The following PTPRA variants were observed in gnomAD, a reference collection of about 807,000 sequenced individuals.
PTPRA encodes the protein receptor-type tyrosine-protein phosphatase alpha.
A neutral mutation model predicts 104.8 loss-of-function variants in PTPRA; 25 were observed. The ratio of observed to expected loss-of-function variants is 0.24; its 90% CI spans 0.17 to 0.33. PTPRA has a LOEUF of 0.33. Ranked by LOEUF, PTPRA falls within the 10% of genes least tolerant of loss-of-function variation. The pLI, the probability that PTPRA is intolerant of heterozygous loss-of-function variation, is 1.00. For missense variants in PTPRA, 765 were observed against 1,015.3 expected (o/e 0.75, Z 3.35); for synonymous variants, 323 against 368.9 (o/e 0.88, Z 1.43).
chr20:2,874,819 A>C (rs577475643), intron 1 of PTPRA, among the ~76,000 whole-genome samples: 2 of 152,234 alleles, frequency 1.3e-5, no homozygotes, highest in African/African-American at 4.8e-5. Flanking sequence ...ATCTTGCCTC[A>C]ATTTACTCCT....
intron 9 of PTPRA, among the ~76,000 whole-genome samples, chr20:2,992,453 G>T (rs1376450675): frequency 6.6e-6 from 1 of 152,102 alleles, no homozygotes; most frequent in Non-Finnish European, 1.5e-5. Flanking sequence ...GGAGGCAGAG[G>T]TTGCATTGAG....
intron 20 of PTPRA, among the ~76,000 whole-genome samples, chr20:3,033,041 C>T (rs1163453572): frequency 6.6e-6 from 1 of 151,926 alleles, no homozygotes; most frequent in Non-Finnish European, 1.5e-5. Flanking sequence ...TCTTTGTGAC[C>T]TCCTCCTCTA....
At position 3,014,501 on chromosome 20, in the gene PTPRA, G is replaced by A. The variant is rs193173987; in HGVS notation, c.907-1348G>A. Among the ~76,000 whole-genome samples the A allele has an allele frequency of 2.1e-3, 326 of 152,264 alleles. 1 individual carries two copies. Among genetic ancestry groups the A allele is most frequent in the African/African-American group, 7.0e-3 (291 of 41,542 alleles). ...TTTTGTAAAAATACAAAAATTAGCC[G>A]GCCGTGATGGCTCATGCTTGTGATC... On this transcript the variant is annotated intron_variant, in intron 11 of 23. Transcript: ENST00000399903.
At chr20:2,991,564 CA>C (rs1231145939) in intron 9 of PTPRA, among the ~76,000 whole-genome samples, 1 of 152,164 alleles carries the variant, frequency 6.6e-6, no homozygotes, top group African/African-American at 2.4e-5. Context: ...ATTAAATTTA[CA>C]TAAGCATGAA....
chr20:2,990,257 T>C (rs2063111632), intron 9 of PTPRA, among the ~76,000 whole-genome samples: 1 of 152,218 alleles, frequency 6.6e-6, no homozygotes, highest in South Asian at 2.1e-4. Context: ...AACTTTCCAC[T>C]AAGCCATGTG....
At chr20:2,933,743 C>T (rs1431358041) in intron 2 of PTPRA, among the ~76,000 whole-genome samples, 1 of 152,052 alleles carries the variant, frequency 6.6e-6, no homozygotes, top group African/African-American at 2.4e-5. Flanking sequence ...ATTACAGATG[C>T]AGCCACCATG....
intron 11 of PTPRA, among the ~76,000 whole-genome samples, chr20:3,015,282 C>A (rs1211779192): frequency 6.7e-6 from 1 of 149,668 alleles, no homozygotes. Flanking sequence ...ATTTGGATTT[C>A]TTTTTTCTTT....
chr20:3,024,400 G>T, intron 16 of PTPRA, 72 bp from the exon 17 acceptor site: 4 of 1,450,032 alleles, frequency 2.8e-6, no homozygotes, highest in Non-Finnish European at 3.8e-6. Context: ...TGAAGTGGGG[G>T]TGGGAACAGG....
chr20:2,910,013 TATATA>T (rs1404404700), intron 1 of PTPRA, among the ~76,000 whole-genome samples: 9 of 87,068 alleles, frequency 1.0e-4, no homozygotes, highest in African/African-American at 7.9e-4. Context: ...TCATATATCA[TATATA>T]ATCTATCATA....
At chr20:2,954,213 G>A (rs1249364721) in intron 3 of PTPRA, among the ~76,000 whole-genome samples, 1 of 151,644 alleles carries the variant, frequency 6.6e-6, no homozygotes, top group African/African-American at 2.4e-5. Context: ...GAGTAGCTGG[G>A]ATTACAGGCG....
intron 2 of PTPRA, among the ~76,000 whole-genome samples, chr20:2,937,591 CATAT>C (rs1015660192): frequency 6.6e-6 from 1 of 152,060 alleles, no homozygotes; most frequent in Admixed American, 6.6e-5. Flanking sequence ...TATGAATAAA[CATAT>C]ATATATGCAT....
chr20:2,941,390 G>A (rs2060915121), intron 2 of PTPRA, among the ~76,000 whole-genome samples: 1 of 152,128 alleles, frequency 6.6e-6, no homozygotes, highest in African/African-American at 2.4e-5. Context: ...AGAAACCAAA[G>A]AGGAGTAGCA....
intron 13 of PTPRA, 25 bp from the exon 14 acceptor site, chr20:3,021,284 G>T: frequency 6.2e-7 from 1 of 1,613,408 alleles, no homozygotes; most frequent in Non-Finnish European, 8.5e-7. Flanking sequence ...CTAAGGTCAG[G>T]GAATGTATGT....
chr20:2,978,620 C>T (rs1049572604), intron 6 of PTPRA, among the ~76,000 whole-genome samples: 1 of 152,126 alleles, frequency 6.6e-6, no homozygotes, highest in South Asian at 2.1e-4. Flanking sequence ...TATCTGTTGT[C>T]CCGGGACACC....
At chr20:3,027,298 G>T in intron 19 of PTPRA, 101 bp downstream of exon 19, 1 of 1,233,160 alleles carries the variant, frequency 8.1e-7, no homozygotes, top group South Asian at 1.3e-5. Context: ...GATCATGTTT[G>T]AATCAGTCAA....
At chr20:2,953,097 A>G (rs992948984) in intron 3 of PTPRA, among the ~76,000 whole-genome samples, 1 of 152,110 alleles carries the variant, frequency 6.6e-6, no homozygotes, top group Non-Finnish European at 1.5e-5. Flanking sequence ...TCATATGTTA[A>G]TACTGTATTT....
Position 2,965,123 on chromosome 20 carries a change from G to A in PTPRA, c.336G>A (p.Gln112=), listed in dbSNP as rs1409442616. 6.2e-7 allele frequency: 1 copy of A among 1,614,130 alleles called. No homozygotes were observed. Among genetic ancestry groups the A allele is most frequent in the Non-Finnish European group, 8.5e-7 (1 of 1,180,018 alleles). ...SPNGTWLPDN[Q]FTDARTEPWE... ...ATGGAACGTGGCTTCCAGATAACCA[G>A]TTCACGGATGCCAGAACAGAACCCT... The change falls in exon 5 of 24, where the codon CAG becomes CAA. Residue 112 remains glutamine, a synonymous_variant. Transcript: ENST00000399903.
At chr20:2,996,422 A>G (rs941743217) in intron 9 of PTPRA, among the ~76,000 whole-genome samples, 19 of 152,240 alleles carry the variant, frequency 1.2e-4, no homozygotes, top group African/African-American at 3.4e-4. Flanking sequence ...ATTTGTGTCT[A>G]CTGTCATAGA....
At chr20:2,898,782 C>G (rs559968557) in intron 1 of PTPRA, among the ~76,000 whole-genome samples, 1 of 151,836 alleles carries the variant, frequency 6.6e-6, no homozygotes, top group African/African-American at 2.4e-5. Context: ...TGCTTGAACC[C>G]GGGAGGCGGA....
Sources: allele counts gnomAD v4.1 joint callset (sites outside exome capture counted in the v4.1 genomes callset), GRCh38; gene constraint gnomAD v4.1.1; transcripts MANE v1.5; gene names NCBI Gene and HGNC (gene_info 2026-07-23, HGNC 2026-07-21).